Variants in GAREM1 observed in about 807,000 individuals in gnomAD.
GAREM1 encodes the protein GRB2 associated regulator of MAPK1 subtype 1, also known as GRB2-associated and regulator of MAPK protein 1.
In GAREM1, 26 loss-of-function variants were observed where a neutral mutation model predicts 71.3. That is an observed-to-expected ratio of 0.36 (90% confidence interval 0.27 to 0.51). GAREM1 has a LOEUF of 0.51. GAREM1 is among the 20% of genes least tolerant of loss of function. The pLI, the probability that GAREM1 is intolerant of heterozygous loss-of-function variation, is 0.95. For missense variants in GAREM1, 1,026 were observed against 1,103.1 expected (o/e 0.93, Z 0.99); for synonymous variants, 440 against 433.2 (o/e 1.02, Z -0.20).
At chr18:32,321,843 C>G (rs1344291274) in intron 2 of GAREM1, among the ~76,000 whole-genome samples, 1 of 152,160 alleles carries the variant, frequency 6.6e-6, no homozygotes, top group Admixed American at 6.5e-5. Context: ...ATTTCCACCC[C>G]AGGAAACCAT....
At chr18:32,372,556 G>A in intron 2 of GAREM1, among the ~76,000 whole-genome samples, 1 of 152,158 alleles carries the variant, frequency 6.6e-6, no homozygotes, top group East Asian at 1.9e-4. Context: ...AGGGGGTACT[G>A]ACAATATACA....
intron 1 of GAREM1, chr18:32,412,082 C>T (rs1276757937): frequency 1.4e-6 from 1 of 719,380 alleles, no homozygotes; most frequent in Non-Finnish European, 2.5e-6. Flanking sequence ...GAGTATTTGT[C>T]TAAAACATGT....
At chr18:32,442,627 T>C (rs1165373885) in intron 1 of GAREM1, among the ~76,000 whole-genome samples, 1 of 152,168 alleles carries the variant, frequency 6.6e-6, no homozygotes, top group African/African-American at 2.4e-5. Context: ...AGAACTCAAC[T>C]TTAATATGTA....
chr18:32,334,143 T>C (rs548287644), intron 2 of GAREM1, among the ~76,000 whole-genome samples: 8 of 152,296 alleles, frequency 5.3e-5, no homozygotes, highest in African/African-American at 1.9e-4. Context: ...CCCAGCCAGA[T>C]ACTTCAATTC....
rs559389727 is a variant in GAREM1, at chr18:32,275,572, C to T, written c.1567-5189G>A. On this transcript the variant is annotated intron_variant, in intron 4 of 5. Transcript: ENST00000269209. ...GGTCAATGAGCACAGTGCGGATACACGGAGTACCCAAAGCCTCGCTTCCTG... is the reference window on the plus strand; with the variant it reads ...GGTCAATGAGCACAGTGCGGATACATGGAGTACCCAAAGCCTCGCTTCCTG... Among the ~76,000 whole-genome samples the T allele has an allele frequency of 4.6e-5, 7 of 152,338 alleles. No individual in the cohort carries two copies. The South Asian group carries it at 8.3e-4, about 18-fold the overall frequency.
At chr18:32,344,328 T>C (rs966164240) in intron 2 of GAREM1, among the ~76,000 whole-genome samples, 13 of 152,154 alleles carry the variant, frequency 8.5e-5, no homozygotes, top group Admixed American at 6.5e-4. Context: ...TCAAAGTTTC[T>C]CAAAATTGGG....
At chr18:32,331,019 G>A (rs374133439) in intron 2 of GAREM1, among the ~76,000 whole-genome samples, 10 of 152,102 alleles carry the variant, frequency 6.6e-5, no homozygotes, top group Non-Finnish European at 1.2e-4. Context: ...CAAACCAAGC[G>A]CTGTAGTTCA....
Position 32,309,431 on chromosome 18 carries a change from C to T in GAREM1, c.393+762G>A, listed in dbSNP as rs529370344. 7.7e-5 allele frequency among the ~76,000 whole-genome samples: 11 copies of T among 143,082 alleles called. 1 individual carries two copies. Among genetic ancestry groups the T allele is most frequent in the Non-Finnish European group, 1.2e-4 (8 of 64,666 alleles). The allele number at this position is 143,082 out of a possible 152,430, so 93.9% of individuals were successfully genotyped here. On this transcript the variant is annotated intron_variant, in intron 3 of 5. Transcript: ENST00000269209. ...GAGCTTGAGACCATCCTGGCTAACA[C>T]GGTGAAACCCCATCTCTACTAAAAA...
chr18:32,364,026 A>ATATTTTTTTTTTTTTTTTTTTTTTTTT (rs1336753011), intron 2 of GAREM1, among the ~76,000 whole-genome samples: 1 of 46,418 alleles, frequency 2.2e-5, no homozygotes, highest in Admixed American at 2.2e-4. Flanking sequence ...ATATATATAT[A>ATATTTTTTTTTTTTTTTTTTTTTTTTT]TGTTTTTTTT....
chr18:32,470,155 C>A lies in GAREM1; in HGVS notation c.121+153G>T. On this transcript the variant is annotated intron_variant, in intron 1 of 5. Transcript: ENST00000269209. The surrounding 1 kb of genome is among the most constrained non-coding windows in gnomAD (Gnocchi z 4.4). ...CTGCTGGGGGGAGTTGAGAGCAACG[C>A]GCCAGGGCTGCGGCAGCCGCTCGGG... The A allele has an allele frequency of 1.1e-6, 1 of 928,842 alleles. No individual in the cohort carries two copies. Among genetic ancestry groups the A allele is most frequent in the Non-Finnish European group, 1.4e-6 (1 of 697,308 alleles). The allele number at this position is 928,842 out of a possible 1,614,324, so 57.5% of individuals were successfully genotyped here.
chr18:32,464,579 T>C (rs964619175), intron 1 of GAREM1, among the ~76,000 whole-genome samples: 10 of 152,218 alleles, frequency 6.6e-5, no homozygotes, highest in African/African-American at 2.4e-4. Context: ...ACACTTTCTG[T>C]CTGATAAAGA....
chr18:32,412,726 C>G (rs2144686378), intron 1 of GAREM1: 1 of 1,434,988 alleles, frequency 7.0e-7, no homozygotes, highest in Admixed American at 1.7e-5. Context: ...TCAAAGGTTA[C>G]AAAGGCAAAG....
At chr18:32,445,687 G>A (rs902885910) in intron 1 of GAREM1, among the ~76,000 whole-genome samples, 34 of 152,120 alleles carry the variant, frequency 2.2e-4, no homozygotes, top group African/African-American at 8.0e-4. Context: ...GTGTAAATAT[G>A]ATTTAGTTTG....
At chr18:32,417,821 G>A (rs1209624288) in intron 1 of GAREM1, among the ~76,000 whole-genome samples, 1 of 151,976 alleles carries the variant, frequency 6.6e-6, no homozygotes, top group African/African-American at 2.4e-5. Flanking sequence ...ACAACAGGGG[G>A]ACTATAGTCA....
intron 3 of GAREM1, among the ~76,000 whole-genome samples, chr18:32,291,328 A>C (rs1160085907): frequency 2.7e-5 from 4 of 150,146 alleles, no homozygotes; most frequent in African/African-American, 9.9e-5. Context: ...AAAAAAAAAA[A>C]AAAAAACCAA....
intron 1 of GAREM1, among the ~76,000 whole-genome samples, chr18:32,458,116 A>G (rs558063572): frequency 7.2e-5 from 11 of 152,132 alleles, no homozygotes; most frequent in African/African-American, 2.6e-4. Context: ...TTATCTAATT[A>G]CCCCAAATGT....
At chr18:32,466,260 A>C (rs1390711344) in intron 1 of GAREM1, among the ~76,000 whole-genome samples, 1 of 151,918 alleles carries the variant, frequency 6.6e-6, no homozygotes, top group Non-Finnish European at 1.5e-5. Context: ...ACAGAATTCT[A>C]TACAGCGGAA....
intron 1 of GAREM1, among the ~76,000 whole-genome samples, chr18:32,452,987 T>C (rs1038261254): frequency 6.6e-6 from 1 of 152,034 alleles, no homozygotes; most frequent in Non-Finnish European, 1.5e-5. Context: ...TGTGACTGCT[T>C]GTATTAGTCC....
chr18:32,323,665 C>T (rs1460581111), intron 2 of GAREM1, among the ~76,000 whole-genome samples: 3 of 152,112 alleles, frequency 2.0e-5, no homozygotes, highest in Non-Finnish European at 2.9e-5. Flanking sequence ...GCCAAAATTG[C>T]GCCACTGCAC....
Sources: allele counts gnomAD v4.1 joint callset (sites outside exome capture counted in the v4.1 genomes callset), GRCh38; gene constraint gnomAD v4.1.1; non-coding constraint Gnocchi (gnomAD v3.1); transcripts MANE v1.5; gene names NCBI Gene and HGNC (gene_info 2026-07-23, HGNC 2026-07-21).